Variants in SASH3 observed in about 807,000 individuals in gnomAD.
The protein encoded by SASH3 is SAM and SH3 domain-containing protein 3.
A neutral mutation model predicts 26.1 loss-of-function variants in SASH3; 7 were observed. That is an observed-to-expected ratio of 0.27 (90% CI 0.15 to 0.50). The LOEUF (loss-of-function observed/expected upper bound fraction) is 0.50, where lower values mean the gene tolerates loss of function less well. Ranked by LOEUF, SASH3 falls within the 20% of genes least tolerant of loss-of-function variation. The pLI is 0.98. For synonymous variants in SASH3, 138 were observed against 136.8 expected (o/e 1.01, Z -0.06); for missense variants, 231 against 318.3 (o/e 0.73, Z 2.09).
chrX:129,791,931 GGACT>G (rs1927238638), intron 4 of SASH3, among the ~76,000 whole-genome samples: 1 of 112,025 alleles, frequency 8.9e-6, no homozygotes, highest in Non-Finnish European at 1.9e-5. Flanking sequence ...GGAGTCTAAT[GGACT>G]GACTCAGTGC....
At position 129,780,092 on chromosome X, in the gene SASH3, A is replaced by G; in HGVS notation, c.-6A>G. The G allele has an allele frequency of 8.3e-7, 1 of 1,210,690 alleles. No homozygotes were observed. ...GCAGGGACGGAGTCTCCCAGGGTGG[A>G]GGACCATGCTGCGCCGCAAGCCCTC... On this transcript the variant is annotated 5_prime_UTR_variant, in exon 1 of 8. Transcript: ENST00000356892.
Position 129,793,072 on chromosome X carries a change from G to C in SASH3, c.885G>C (p.Leu295=), listed in dbSNP as rs1291726150. 5.6e-5 allele frequency: 68 copies of C among 1,209,438 alleles called. No individual in the cohort carries two copies. The highest frequency in any genetic ancestry group is 7.4e-5 in the Non-Finnish European group (66 of 895,019). Residue 295 remains leucine (L), a synonymous_variant, in exon 7 of 8, where the codon CTG becomes CTC. Coordinates refer to ENST00000356892, the MANE Select transcript of SASH3 (RefSeq NM_018990.4). The part of the protein sequence containing the change: ...KELRETHLNE[L]NIMDPQHRAK... ...TGCGAGAAACACACCTCAATGAGCTGAACATCATGGATCCACAGCACCGGG... is the reference window on the plus strand; with the variant it reads ...TGCGAGAAACACACCTCAATGAGCTCAACATCATGGATCCACAGCACCGGG...
chrX:129,791,197 C>A, intron 4 of SASH3, 116 bp downstream of exon 4: 1 of 756,577 alleles, frequency 1.3e-6, no homozygotes, highest in Non-Finnish European at 1.9e-6. Flanking sequence ...TTACTCTTTG[C>A]CTGCTGGGAA....
rs940829028 is a variant in SASH3 at position 129,795,093 on chromosome X, C to T, written c.*1261C>T. 5 of 111,480 alleles carry T rather than the reference C, an allele frequency of 4.5e-5. No individual in the cohort carries two copies. The highest frequency in any genetic ancestry group is 9.6e-5 in the Admixed American group (1 of 10,445). The allele number at this position is 111,480 out of a possible 1,213,427, so 9.2% of individuals were successfully genotyped here. On this transcript the variant is annotated 3_prime_UTR_variant, in exon 8 of 8. Coordinates refer to ENST00000356892, the MANE Select transcript of SASH3 (RefSeq NM_018990.4). ...CCGGCTAAGTGGACACACTTCTTGA[C>T]CTCCTACCAGGAACTTTGGTAAAAG...
intron 4 of SASH3, 29 bp downstream of exon 4, chrX:129,791,110 C>T (rs761779203): frequency 1.5e-5 from 18 of 1,198,084 alleles, no homozygotes; most frequent in South Asian, 9.0e-5. Context: ...GGACACCTGC[C>T]GAATCTGGAG....
chrX:129,788,137 G>GGGGGGGGGGGGGT, intron 2 of SASH3, 67 bp downstream of exon 2: 2 of 354,268 alleles, frequency 5.6e-6, no homozygotes, highest in East Asian at 6.3e-5. Flanking sequence ...GGGTGGGAGG[G>GGGGGGGGGGGGGT]AAGAGGGTGA....
chrX:129,793,257 G>C, intron 7 of SASH3, 118 bp downstream of exon 7: 1 of 809,999 alleles, frequency 1.2e-6, no homozygotes, highest in South Asian at 2.5e-5. Flanking sequence ...CTCTGCAGTG[G>C]AAAGGTACTT....
chrX:129,793,803 C>A lies in SASH3; in HGVS notation c.1114C>A (p.Gln372Lys). Residue 372 changes from glutamine to lysine, a missense_variant, in exon 8 of 8, where the codon CAA (glutamine) becomes AAA (lysine). Transcript: ENST00000356892. ...GCTGGCAGGCACTGAGGAGCAGCTG[C>A]AAGGCCTCTCCCTGGCCGGGGCACC... ...AELAGTEEQL[Q>K]GLSLAGAP 5.8e-6 allele frequency: 7 copies of A among 1,196,767 alleles called. No individual in the cohort carries two copies. The highest frequency in any genetic ancestry group is 7.9e-6 in the Non-Finnish European group (7 of 887,930).
chrX:129,782,594 T>C (rs768945613), intron 1 of SASH3, among the ~76,000 whole-genome samples: 1 of 112,262 alleles, frequency 8.9e-6, no homozygotes, highest in Non-Finnish European at 1.9e-5. Context: ...CGAGCAGGGA[T>C]CCAAGCCAAG....
intron 2 of SASH3, 48 bp from the exon 3 acceptor site, chrX:129,788,383 C>A (rs751989627): frequency 8.3e-7 from 1 of 1,197,852 alleles, no homozygotes; most frequent in East Asian, 3.0e-5. Flanking sequence ...AGTCCCGGAC[C>A]TAGGCAGGAC....
chrX:129,794,108 C>T lies in SASH3; in HGVS notation c.*276C>T, dbSNP rs959323619. The T allele has an allele frequency of 2.8e-5, 10 of 355,668 alleles. No homozygotes were observed. The East Asian group carries it at 2.9e-4, about 10-fold the overall frequency. The allele number at this position is 355,668 out of a possible 1,213,427, so 29.3% of individuals were successfully genotyped here. A position where few individuals can be genotyped will look rare whatever the true frequency, so the allele number is the denominator to read the frequency against. Reference sequence around the variant, plus strand: ...GCCCCTCCTGGCACCAACTGCTCCCCTGCCATGGCCACGGCCACAGCAAGT... The same window carrying T: ...GCCCCTCCTGGCACCAACTGCTCCCTTGCCATGGCCACGGCCACAGCAAGT... On this transcript the variant is annotated 3_prime_UTR_variant, in exon 8 of 8. Coordinates refer to ENST00000356892, the MANE Select transcript of SASH3 (RefSeq NM_018990.4).
intron 1 of SASH3, among the ~76,000 whole-genome samples, chrX:129,782,424 G>A (rs1478242070): frequency 8.9e-6 from 1 of 112,277 alleles, no homozygotes; most frequent in Non-Finnish European, 1.9e-5. Context: ...CAGAGTGAGA[G>A]CTCATGGGAT....
rs1927123053 is a variant in SASH3, at chrX:129,787,148, A to C, written c.58-827A>C. ...GAAACCCCGTCTCCACTAAAAATAC[A>C]AAAAATAATAATAATAAAATAAAGC... On this transcript the variant is annotated intron_variant, in intron 1 of 7. Coordinates refer to ENST00000356892, the MANE Select transcript of SASH3 (RefSeq NM_018990.4). Among the ~76,000 whole-genome samples the C allele has an allele frequency of 2.7e-5, 3 of 111,889 alleles. No homozygotes were observed. The Admixed American group carries it at 2.8e-4, about 11-fold the overall frequency.
In SASH3 at chrX:129,793,908, C is replaced by T. The variant is rs1004755117; in HGVS notation, c.*76C>T. ...GAGTGGGCCCAGCCTCCCGTGGTGG[C>T]CCAGGTCCTGAGGACTGGCACTGAG... On this transcript the variant is annotated 3_prime_UTR_variant, in exon 8 of 8. Transcript: ENST00000356892. The T allele has an allele frequency of 2.9e-5, 29 of 996,239 alleles. No individual in the cohort carries two copies. Among genetic ancestry groups the T allele is most frequent in the Non-Finnish European group, 3.8e-5 (28 of 731,201 alleles). 82.1% of individuals were successfully genotyped at this position (996,239 alleles called of 1,213,427 possible).
At chrX:129,787,503 T>C (rs1181984873) in intron 1 of SASH3, among the ~76,000 whole-genome samples, 1 of 111,765 alleles carries the variant, frequency 8.9e-6, no homozygotes, top group African/African-American at 3.3e-5. Flanking sequence ...TGTTTGTTCC[T>C]ATCACTGTGA....
chrX:129,789,498 G>A (rs982793559), intron 3 of SASH3, among the ~76,000 whole-genome samples: 27 of 111,266 alleles, frequency 2.4e-4, no homozygotes, highest in South Asian at 7.6e-4. Context: ...TTAGCCAGGC[G>A]TGGTGGCAGG....
In SASH3 at chrX:129,784,526, G is replaced by A. The variant is rs551728801; in HGVS notation, c.58-3449G>A. Among the ~76,000 whole-genome samples the A allele has an allele frequency of 2.7e-5, 3 of 111,540 alleles. 1 individual carries two copies. The highest frequency in any genetic ancestry group is 6.5e-5 in the African/African-American group (2 of 30,669). ...AGACAATGTTCCAAGCACTGTAGGC[G>A]TACTCGCTCATTTCATCCTCACAAC... On this transcript the variant is annotated intron_variant, in intron 1 of 7. Coordinates refer to ENST00000356892, the MANE Select transcript of SASH3 (RefSeq NM_018990.4).
intron 1 of SASH3, 150 bp from the exon 2 acceptor site, chrX:129,787,825 C>T (rs1927135278): frequency 2.1e-6 from 1 of 467,681 alleles, no homozygotes; most frequent in South Asian, 3.2e-5. Flanking sequence ...CCAAGAACAT[C>T]GAGGTGCGTC....
At chrX:129,785,196 T>C (rs989765052) in intron 1 of SASH3, among the ~76,000 whole-genome samples, 1 of 110,885 alleles carries the variant, frequency 9.0e-6, no homozygotes, top group African/African-American at 3.3e-5. Context: ...CAACAGTGTA[T>C]GGTACCACCT....
Sources: allele counts gnomAD v4.1 joint callset (sites outside exome capture counted in the v4.1 genomes callset), GRCh38; gene constraint gnomAD v4.1.1; transcripts MANE v1.5; gene names NCBI Gene and HGNC (gene_info 2026-07-23, HGNC 2026-07-21).